Variants in ECT2L observed in about 807,000 individuals in gnomAD.
The protein encoded by ECT2L is epithelial cell-transforming sequence 2 oncogene-like.
A neutral mutation model predicts 122.8 loss-of-function variants in ECT2L; 126 were observed. The observed-to-expected ratio is 1.03, with a 90% CI of 0.89 to 1.19. The LOEUF is 1.19. ECT2L is among the 50% of genes most tolerant of loss of function. The pLI, the probability that ECT2L is intolerant of heterozygous loss-of-function variation, is 0.00. For synonymous variants in ECT2L, 385 were observed against 381.8 expected, an observed-to-expected ratio of 1.01 and a Z score of -0.10; for missense variants, 1,012 against 1,064.1, an observed-to-expected ratio of 0.95 and a Z score of 0.68.
At chr6:138,902,357 G>C in intron 21 of ECT2L, 143 bp from the exon 22 acceptor site, 1 of 636,930 alleles carries the variant, frequency 1.6e-6, no homozygotes, top group South Asian at 2.1e-5. Flanking sequence ...GTAATTTTAG[G>C]AAGTTATATT....
chr6:138,802,901 C>A (rs1244428191), intron 1 of ECT2L, among the ~76,000 whole-genome samples: 2 of 151,852 alleles, frequency 1.3e-5, no homozygotes, highest in African/African-American at 2.4e-5. Flanking sequence ...CATGGTGAAA[C>A]CCCATCTCTA....
At chr6:138,848,952 GC>G (rs1365582937) in intron 8 of ECT2L, among the ~76,000 whole-genome samples, 3 of 152,132 alleles carry the variant, frequency 2.0e-5, no homozygotes. Context: ...ACTGTGCTTG[GC>G]CATTATTACT....
At chr6:138,892,713 G>A (rs1048070128) in intron 20 of ECT2L, among the ~76,000 whole-genome samples, 3 of 152,070 alleles carry the variant, frequency 2.0e-5, no homozygotes, top group South Asian at 2.1e-4. Flanking sequence ...GGCTGGTCTC[G>A]AACTCCTGAC....
intron 10 of ECT2L, among the ~76,000 whole-genome samples, chr6:138,856,803 T>G (rs1777627595): frequency 6.6e-6 from 1 of 152,202 alleles, no homozygotes; most frequent in Non-Finnish European, 1.5e-5. Context: ...TTTGGTGACA[T>G]AACTGTCAAA....
chr6:138,827,416 A>T (rs1190585334), intron 4 of ECT2L, among the ~76,000 whole-genome samples: 2 of 152,208 alleles, frequency 1.3e-5, no homozygotes, highest in African/African-American at 4.8e-5. Context: ...TAGCAACACA[A>T]GAAGGGCCTA....
At chr6:138,901,238 TCCC>T in intron 21 of ECT2L, 118 bp downstream of exon 21, 1 of 1,018,258 alleles carries the variant, frequency 9.8e-7, no homozygotes, top group South Asian at 1.7e-5. Context: ...TGCAAACAAT[TCCC>T]CCAATATTAG....
intron 12 of ECT2L, among the ~76,000 whole-genome samples, chr6:138,867,464 C>G (rs763162349): frequency 1.3e-5 from 2 of 151,828 alleles, no homozygotes; most frequent in Non-Finnish European, 2.9e-5. Context: ...TGCTTGAGGC[C>G]AGGAGTTTGA....
At chr6:138,864,033 TG>T (rs1383022990) in intron 11 of ECT2L, among the ~76,000 whole-genome samples, 1 of 86,758 alleles carries the variant, frequency 1.2e-5, no homozygotes, top group Non-Finnish European at 2.1e-5. Flanking sequence ...AAAAAAAGCA[TG>T]TTGTGGCCGG....
chr6:138,800,248 G>T (rs1775496197), intron 1 of ECT2L, among the ~76,000 whole-genome samples: 1 of 152,188 alleles, frequency 6.6e-6, no homozygotes, highest in Non-Finnish European at 1.5e-5. Context: ...CAGCCACAAT[G>T]TTTTTTCCAG....
intron 5 of ECT2L, among the ~76,000 whole-genome samples, chr6:138,840,243 GGT>G (rs1776991442): frequency 6.6e-6 from 1 of 152,018 alleles, no homozygotes; most frequent in Admixed American, 6.6e-5. Context: ...CTGTCTTGGG[GGT>G]GGCAGAGGTG....
At chr6:138,815,923 A>G (rs1189316372) in intron 4 of ECT2L, among the ~76,000 whole-genome samples, 1 of 151,866 alleles carries the variant, frequency 6.6e-6, no homozygotes, top group Non-Finnish European at 1.5e-5. Flanking sequence ...CCTGTCAGCT[A>G]CTCCTGCATC....
At chr6:138,854,593 A>G (rs1777554811) in intron 10 of ECT2L, among the ~76,000 whole-genome samples, 1 of 152,206 alleles carries the variant, frequency 6.6e-6, no homozygotes, top group African/African-American at 2.4e-5. Flanking sequence ...GGCATTAGGC[A>G]AACTTGTGGA....
intron 5 of ECT2L, among the ~76,000 whole-genome samples, chr6:138,839,998 A>G (rs1776981074): frequency 6.6e-6 from 1 of 152,156 alleles, no homozygotes; most frequent in Non-Finnish European, 1.5e-5. Context: ...ATAATAGCCT[A>G]CTGTTGACCA....
At chr6:138,843,934 C>T (rs1583581347) in intron 6 of ECT2L, among the ~76,000 whole-genome samples, 1 of 152,274 alleles carries the variant, frequency 6.6e-6, no homozygotes, top group East Asian at 1.9e-4. Context: ...AAGTGACCCG[C>T]CCACCCTGGC....
At chr6:138,832,517 G>T (rs1311945993) in intron 4 of ECT2L, among the ~76,000 whole-genome samples, 1 of 152,130 alleles carries the variant, frequency 6.6e-6, no homozygotes, top group Non-Finnish European at 1.5e-5. Context: ...TCTCTAATGT[G>T]CCAGGAGATT....
At chr6:138,899,659 A>G (rs1299540792) in intron 20 of ECT2L, among the ~76,000 whole-genome samples, 2 of 152,232 alleles carry the variant, frequency 1.3e-5, no homozygotes, top group African/African-American at 4.8e-5. Flanking sequence ...AAATTAAACA[A>G]AAATGGTGAA....
chr6:138,892,552 G>A (rs1359842338), intron 20 of ECT2L, among the ~76,000 whole-genome samples: 2 of 152,092 alleles, frequency 1.3e-5, no homozygotes, highest in Non-Finnish European at 2.9e-5. Context: ...GGAGTGCAGT[G>A]GTGCAATCTA....
chr6:138,855,445 G>A (rs1777580416), intron 10 of ECT2L, among the ~76,000 whole-genome samples: 1 of 152,136 alleles, frequency 6.6e-6, no homozygotes, highest in Non-Finnish European at 1.5e-5. Context: ...GGAGGCAGAG[G>A]TTGCAGTGAG....
At chr6:138,849,572 G>GA in intron 9 of ECT2L, 138 bp downstream of exon 9, 3 of 735,112 alleles carry the variant, frequency 4.1e-6, no homozygotes, top group Non-Finnish European at 6.0e-6. Context: ...AAAAAGCGAA[G>GA]CTTTTTTTTT....
Sources: allele counts gnomAD v4.1 joint callset (sites outside exome capture counted in the v4.1 genomes callset), GRCh38; gene constraint gnomAD v4.1.1; transcripts MANE v1.5; gene names NCBI Gene and HGNC (gene_info 2026-07-23, HGNC 2026-07-21).